Variants in SPAG16 observed in about 807,000 individuals in gnomAD.
The protein encoded by SPAG16 is sperm associated antigen 16.
SPAG16 carries 86 observed loss-of-function variants against 80.4 expected under a neutral mutation model. The ratio of observed to expected loss-of-function variants is 1.07; its 90% confidence interval spans 0.90 to 1.28. SPAG16 has a LOEUF of 1.28. SPAG16 is among the 50% of genes most tolerant of loss of function. SPAG16 has a pLI of 0.00. For missense variants in SPAG16, 870 were observed against 765.3 expected (o/e 1.14, Z -1.61); for synonymous variants, 294 against 265.9 (o/e 1.11, Z -1.03).
chr2:214,330,008 T>C (rs1243411241), intron 15 of SPAG16, among the ~76,000 whole-genome samples: 1 of 151,960 alleles, frequency 6.6e-6, no homozygotes. Context: ...GGCTCATGCT[T>C]GTAATCCCTG....
At chr2:213,343,451 A>G (rs2064801595) in intron 6 of SPAG16, among the ~76,000 whole-genome samples, 1 of 152,190 alleles carries the variant, frequency 6.6e-6, no homozygotes, top group Non-Finnish European at 1.5e-5. Context: ...TGTCCAACAT[A>G]CAATAAATAA....
chr2:214,365,419 T>A (rs1699416255), intron 15 of SPAG16, among the ~76,000 whole-genome samples: 1 of 152,144 alleles, frequency 6.6e-6, no homozygotes, highest in Non-Finnish European at 1.5e-5. Flanking sequence ...GAAGATGCTA[T>A]CCTAATGTGA....
intron 13 of SPAG16, among the ~76,000 whole-genome samples, chr2:214,066,693 A>C (rs866577480): frequency 1.3e-5 from 2 of 152,294 alleles, no homozygotes; most frequent in Admixed American, 6.5e-5. Flanking sequence ...AAAAACTACA[A>C]TAAAATATTT....
At chr2:213,746,811 AAAG>A (rs1472694564) in intron 10 of SPAG16, among the ~76,000 whole-genome samples, 2 of 152,180 alleles carry the variant, frequency 1.3e-5, no homozygotes, top group Non-Finnish European at 2.9e-5. Context: ...CATTTCAAAA[AAAG>A]AAGAAAAGAA....
At chr2:213,308,983 A>T (rs1429648412) in intron 3 of SPAG16, among the ~76,000 whole-genome samples, 1 of 152,170 alleles carries the variant, frequency 6.6e-6, no homozygotes, top group Non-Finnish European at 1.5e-5. Context: ...AAATTCATTT[A>T]TGTTCCATAT....
chr2:214,100,980 G>A (rs1460803187), intron 13 of SPAG16, among the ~76,000 whole-genome samples: 2 of 152,016 alleles, frequency 1.3e-5, no homozygotes, highest in Admixed American at 6.6e-5. Context: ...GGAATTCATT[G>A]ATTAAGTAAG....
intron 9 of SPAG16, among the ~76,000 whole-genome samples, chr2:213,381,647 C>T (rs1269147865): frequency 2.0e-5 from 3 of 152,236 alleles, no homozygotes; most frequent in African/African-American, 4.8e-5. Context: ...GTGATCCACC[C>T]GATTATTGAA....
At chr2:213,725,958 C>T (rs754570780) in intron 10 of SPAG16, among the ~76,000 whole-genome samples, 1 of 152,198 alleles carries the variant, frequency 6.6e-6, no homozygotes, top group African/African-American at 2.4e-5. Context: ...CAATCTGTCA[C>T]CCAGAGACCA....
At chr2:214,068,824 G>A (rs2050649505) in intron 13 of SPAG16, among the ~76,000 whole-genome samples, 1 of 152,000 alleles carries the variant, frequency 6.6e-6, no homozygotes, top group Non-Finnish European at 1.5e-5. Context: ...ATAACGGAGA[G>A]CCCAAGAACC....
chr2:213,502,794 C>A (rs942191494), intron 10 of SPAG16, among the ~76,000 whole-genome samples: 1 of 152,218 alleles, frequency 6.6e-6, no homozygotes, highest in Non-Finnish European at 1.5e-5. Context: ...ATCTGAATAT[C>A]TGAATCTCCT....
intron 11 of SPAG16, among the ~76,000 whole-genome samples, chr2:213,911,066 TA>T (rs916432026): frequency 1.3e-4 from 19 of 151,134 alleles, no homozygotes; most frequent in African/African-American, 4.6e-4. Context: ...TACATTTCTT[TA>T]AAAAAAAAGT....
chr2:213,752,807 G>A (rs964945905), intron 10 of SPAG16, among the ~76,000 whole-genome samples: 4 of 152,182 alleles, frequency 2.6e-5, no homozygotes, highest in Admixed American at 6.5e-5. Context: ...AGATTAGGAA[G>A]ACTATCAATT....
chr2:214,371,593 T>C (rs1699820571), intron 15 of SPAG16, among the ~76,000 whole-genome samples: 1 of 151,008 alleles, frequency 6.6e-6, no homozygotes, highest in Non-Finnish European at 1.5e-5. Flanking sequence ...TTCAGGAAGA[T>C]AAATTCATAT....
intron 10 of SPAG16, among the ~76,000 whole-genome samples, chr2:213,628,129 T>G (rs933220473): frequency 3.3e-5 from 5 of 152,218 alleles, no homozygotes; most frequent in Admixed American, 3.3e-4. Flanking sequence ...CATCTCTCAG[T>G]GTTGTCACAG....
chr2:213,395,476 G>T lies in SPAG16; in HGVS notation c.942+20357G>T, dbSNP rs114505542. ...CTTCCATCAAGTCTTCCTCTTTGAC[G>T]TATAGATTATTTAGAAGTGTGCTGT... On this transcript the variant is annotated intron_variant, in intron 9 of 15. Coordinates refer to ENST00000331683, the MANE Select transcript of SPAG16 (RefSeq NM_024532.5). 8.0e-3 allele frequency among the ~76,000 whole-genome samples: 1,213 copies of T among 152,078 alleles called. 19 individuals carry two copies. The highest frequency in any genetic ancestry group is 0.028 in the African/African-American group (1,148 of 41,482).
intron 15 of SPAG16, among the ~76,000 whole-genome samples, chr2:214,267,985 CAAAT>C (rs1472167673): frequency 2.6e-5 from 4 of 151,714 alleles, no homozygotes; most frequent in African/African-American, 4.8e-5. Flanking sequence ...AGTAGAAAAA[CAAAT>C]AACCCCATTA....
chr2:213,558,895 A>G (rs1486779914), intron 10 of SPAG16, among the ~76,000 whole-genome samples: 1 of 152,118 alleles, frequency 6.6e-6, no homozygotes, highest in East Asian at 1.9e-4. Flanking sequence ...GAGATGTTTC[A>G]ATGCATGTCG....
chr2:213,987,394 G>A (rs2046066534), intron 12 of SPAG16, among the ~76,000 whole-genome samples: 2 of 151,996 alleles, frequency 1.3e-5, no homozygotes, highest in African/African-American at 4.8e-5. Context: ...GTGTAATTTA[G>A]ATCTTGTTTA....
intron 9 of SPAG16, among the ~76,000 whole-genome samples, chr2:213,472,207 C>T (rs758329332): frequency 2.0e-5 from 3 of 152,038 alleles, no homozygotes; most frequent in Non-Finnish European, 2.9e-5. Flanking sequence ...GCTGGCCTTG[C>T]CAGTTGAAAG....
Sources: allele counts gnomAD v4.1 joint callset (sites outside exome capture counted in the v4.1 genomes callset), GRCh38; gene constraint gnomAD v4.1.1; transcripts MANE v1.5; gene names NCBI Gene and HGNC (gene_info 2026-07-23, HGNC 2026-07-21).